FRMD3: variants seen among roughly 807,000 people sequenced by gnomAD.
The protein encoded by FRMD3 is FERM domain containing 3.
FRMD3 carries 33 observed loss-of-function variants against 70.2 expected under a neutral mutation model. The observed-to-expected ratio is 0.47, with a 90% CI of 0.36 to 0.63. The LOEUF (loss-of-function observed/expected upper bound fraction) is 0.63, where lower values mean the gene tolerates loss of function less well. FRMD3 is among the 20% of genes least tolerant of loss of function. FRMD3 has a pLI of 0.00. For synonymous variants in FRMD3, 279 were observed against 255.9 expected, an observed-to-expected ratio of 1.09 and a Z score of -0.86; for missense variants, 632 against 711.4, an observed-to-expected ratio of 0.89 and a Z score of 1.27.
At chr9:83,457,928 A>G (rs1291965798) in intron 1 of FRMD3, among the ~76,000 whole-genome samples, 2 of 151,432 alleles carry the variant, frequency 1.3e-5, no homozygotes, top group Non-Finnish European at 2.9e-5. Flanking sequence ...TTCCTCAAGT[A>G]TACCTCAATA....
rs34251863 is a variant in FRMD3 at position 83,507,691 on chromosome 9, CATATATATATATATATATATAT to C, written c.147+30372_147+30393del. Reference sequence around the variant, plus strand: ...TCTCAAACAAAAAAAAATATACATACATATATATATATATATATATATATATATATATATATATATATATATA... The same window carrying C: ...TCTCAAACAAAAAAAAATATACATACATATATATATATATATATATATATA... On this transcript the variant is annotated intron_variant, in intron 1 of 13. Transcript: ENST00000304195. 1.5e-3 allele frequency among the ~76,000 whole-genome samples: 75 copies of C among 49,246 alleles called. 8 individuals are homozygous for C. The South Asian group carries it at 0.036, about 24-fold the overall frequency. 32.3% of individuals were successfully genotyped at this position (49,246 alleles called of 152,430 possible).
chr9:83,567,725 G>A, the FRMD3 span, among the ~76,000 whole-genome samples: 5 of 152,138 alleles, frequency 3.3e-5, no homozygotes, highest in African/African-American at 9.7e-5. Flanking sequence ...AACATAACAA[G>A]AGTCACTTTT....
At chr9:83,454,894 A>G (rs1474345677) in intron 1 of FRMD3, among the ~76,000 whole-genome samples, 1 of 152,174 alleles carries the variant, frequency 6.6e-6, no homozygotes, top group East Asian at 1.9e-4. Flanking sequence ...TGATGCCTAT[A>G]TTGTTTCTGC....
In FRMD3 at chr9:83,389,590, A is replaced by G. The variant is rs1358820422; in HGVS notation, c.252+14T>C. 6.3e-6 allele frequency: 10 copies of G among 1,582,576 alleles called. No individual in the cohort carries two copies. The highest frequency in any genetic ancestry group is 8.7e-6 in the Non-Finnish European group (10 of 1,151,374). On this transcript the variant is annotated intron_variant, in intron 2 of 13. Transcript: ENST00000304195. ...ACTCCCTGAAAATGGCTCCAGATAGAAATCAGCTCTTACCCTTTGCTTCTC... is the reference window on the plus strand; with the variant it reads ...ACTCCCTGAAAATGGCTCCAGATAGGAATCAGCTCTTACCCTTTGCTTCTC...
chr9:83,564,689 G>T, the FRMD3 span, among the ~76,000 whole-genome samples: 1 of 152,176 alleles, frequency 6.6e-6, no homozygotes, highest in African/African-American at 2.4e-5. Flanking sequence ...ATGCCCACAT[G>T]TCCATTGTCC....
chr9:83,407,871 CT>C (rs1826162644), intron 1 of FRMD3, among the ~76,000 whole-genome samples: 13 of 115,784 alleles, frequency 1.1e-4, no homozygotes, highest in South Asian at 2.6e-4. Flanking sequence ...CTCTCTCTCT[CT>C]CATCTTTCTC....
chr9:83,308,885 C>A (rs1587707122), intron 10 of FRMD3, among the ~76,000 whole-genome samples: 1 of 152,086 alleles, frequency 6.6e-6, no homozygotes, highest in Non-Finnish European at 1.5e-5. Context: ...TCAGAGTAAG[C>A]CAGAAATATC....
intron 1 of FRMD3, among the ~76,000 whole-genome samples, chr9:83,473,683 G>T (rs1436257757): frequency 2.0e-5 from 3 of 152,202 alleles, no homozygotes; most frequent in Admixed American, 1.3e-4. Flanking sequence ...GAGGGCGAAT[G>T]CACGGGCTAG....
At position 83,245,361 on chromosome 9, in the gene FRMD3, T is replaced by A; in HGVS notation, c.*2557A>T. ...TATCTTCTAACAAAACTTAAATGGA[T>A]GTTTCTAAAAGGCTCTGATTCTATG... On this transcript the variant is annotated 3_prime_UTR_variant, in exon 14 of 14. Transcript: ENST00000304195. The A allele has an allele frequency of 2.0e-6, 2 of 985,404 alleles. No individual in the cohort carries two copies. The highest frequency in any genetic ancestry group is 2.4e-6 in the Non-Finnish European group (2 of 829,920). The allele number at this position is 985,404 out of a possible 1,614,324, so 61.0% of individuals were successfully genotyped here.
chr9:83,244,228 G>C (rs1276134744), downstream of FRMD3, among the ~76,000 whole-genome samples: 1 of 152,114 alleles, frequency 6.6e-6, no homozygotes, highest in Non-Finnish European at 1.5e-5. Context: ...GTCTCATGCA[G>C]CTCTCTCTGG....
chr9:83,408,127 C>G (rs1312213265), intron 1 of FRMD3, among the ~76,000 whole-genome samples: 2 of 152,128 alleles, frequency 1.3e-5, no homozygotes, highest in African/African-American at 2.4e-5. Flanking sequence ...AAGTGAGTCA[C>G]TATGGCCAAC....
chr9:83,465,309 G>A (rs76362252), intron 1 of FRMD3, among the ~76,000 whole-genome samples: 9,049 of 152,266 alleles, frequency 0.059, 328 homozygotes, highest in East Asian at 0.18. Flanking sequence ...TCTAGTCCCA[G>A]GCAGGTGCAG....
intron 1 of FRMD3, among the ~76,000 whole-genome samples, chr9:83,436,921 G>C (rs1827152949): frequency 6.6e-6 from 1 of 152,110 alleles, no homozygotes; most frequent in Non-Finnish European, 1.5e-5. Flanking sequence ...TGGAGGCAGT[G>C]CCCAAGCTAC....
At chr9:83,453,271 T>C (rs1362519510) in intron 1 of FRMD3, among the ~76,000 whole-genome samples, 1 of 152,194 alleles carries the variant, frequency 6.6e-6, no homozygotes, top group African/African-American at 2.4e-5. Flanking sequence ...AGATATACAT[T>C]TGTTATATTA....
rs965224902 is a variant in FRMD3 at position 83,444,763 on chromosome 9, C to T, written c.148-55055G>A. ...CTTGAGGGTGCTGTTGTTTCCATCACCTATTTTCTTGTGCAGCCCCAAGTT... is the reference window on the plus strand; with the variant it reads ...CTTGAGGGTGCTGTTGTTTCCATCATCTATTTTCTTGTGCAGCCCCAAGTT... On this transcript the variant is annotated intron_variant, in intron 1 of 13. Transcript: ENST00000304195. Among the ~76,000 whole-genome samples, 5 of 152,140 alleles carry T rather than the reference C, an allele frequency of 3.3e-5. No individual in the cohort carries two copies. In the South Asian group the frequency reaches 1.0e-3, roughly 32 times the overall value.
At chr9:83,500,501 C>T (rs201905752) in intron 1 of FRMD3, among the ~76,000 whole-genome samples, 13 of 34,990 alleles carry the variant, frequency 3.7e-4, no homozygotes, top group Non-Finnish European at 9.0e-4. Flanking sequence ...CGTGTATGCG[C>T]GCACACACAC....
chr9:83,465,284 T>A (rs751200408), intron 1 of FRMD3, among the ~76,000 whole-genome samples: 1 of 152,184 alleles, frequency 6.6e-6, no homozygotes, highest in Non-Finnish European at 1.5e-5. Context: ...CCGGTCCCAG[T>A]GCTCTTCCCA....
At chr9:83,285,043 A>C (rs113527579) in intron 13 of FRMD3, among the ~76,000 whole-genome samples, 1,768 of 152,250 alleles carry the variant, frequency 0.012, 27 homozygotes, top group African/African-American at 0.04. Context: ...ATGGATGAGG[A>C]CAATACTCTT....
chr9:83,289,966 T>C (rs1022010291), intron 13 of FRMD3, among the ~76,000 whole-genome samples: 1 of 152,126 alleles, frequency 6.6e-6, no homozygotes, highest in African/African-American at 2.4e-5. Context: ...ATATAACAAA[T>C]GTGGGGGTTG....
Sources: gnomAD v4.1 joint callset for allele counts (sites outside exome capture counted in the v4.1 genomes callset) on GRCh38, gnomAD v4.1.1 for gene constraint, MANE v1.5 for transcripts, NCBI Gene and HGNC (gene_info 2026-07-23, HGNC 2026-07-21) for gene names.